Variants in MARCHF7 observed in about 807,000 individuals in gnomAD.
MARCHF7 encodes E3 ubiquitin-protein ligase MARCHF7.
A neutral mutation model predicts 76.5 loss-of-function variants in MARCHF7; 20 were observed. The ratio of observed to expected loss-of-function variants is 0.26; its 90% CI spans 0.18 to 0.38. The LOEUF (loss-of-function observed/expected upper bound fraction) is 0.38. Ranked by LOEUF, MARCHF7 falls within the 10% of genes least tolerant of loss-of-function variation. The probability of loss-of-function intolerance (pLI) is 1.00; values close to 1 mark genes in which losing one functional copy is unlikely to be tolerated. For synonymous variants in MARCHF7, 295 were observed against 293.0 expected (o/e 1.01, Z -0.07); for missense variants, 797 against 812.9 (o/e 0.98, Z 0.24).
intron 11 of MARCHF7, among the ~76,000 whole-genome samples, chr2:159,765,276 C>G (rs1391303352): frequency 6.6e-6 from 1 of 151,740 alleles, no homozygotes; most frequent in Admixed American, 6.6e-5. Context: ...CAGCTCAAAT[C>G]TCTTAAGATC....
chr2:159,751,734 A>G (rs950130738), intron 7 of MARCHF7, among the ~76,000 whole-genome samples: 4 of 152,206 alleles, frequency 2.6e-5, no homozygotes, highest in Non-Finnish European at 4.4e-5. Flanking sequence ...ATTACTCTGC[A>G]TTTATATATT....
rs927389822 is a variant in MARCHF7, at chr2:159,769,201, A to T, written c.*1859A>T. 9 of 152,226 alleles carry T rather than the reference A, an allele frequency of 5.9e-5. No homozygotes were observed. In the East Asian group the frequency reaches 1.7e-3, roughly 29 times the overall value. The allele number at this position is 152,226 out of a possible 1,614,324, so 9.4% of individuals were successfully genotyped here. A position where few individuals can be genotyped will look rare whatever the true frequency, so the allele number is the denominator to read the frequency against. On this transcript the variant is annotated 3_prime_UTR_variant, in exon 12 of 12. Transcript: ENST00000409175. ...TGTTATTCTGAATATCTGCCAAAGA[A>T]TTATATTGTTATTACTAGCTAGAAC... is the stretch of plus-strand genomic sequence containing the variant.
chr2:159,750,379 G>C (rs908871931), intron 7 of MARCHF7, among the ~76,000 whole-genome samples: 1 of 152,178 alleles, frequency 6.6e-6, no homozygotes, highest in Admixed American at 6.5e-5. Context: ...ACAAAATTTA[G>C]CTGGGTGTGG....
intron 3 of MARCHF7, among the ~76,000 whole-genome samples, chr2:159,721,154 C>T (rs1412632780): frequency 6.6e-6 from 1 of 152,082 alleles, no homozygotes; most frequent in Non-Finnish European, 1.5e-5. Flanking sequence ...CATGAGCCAC[C>T]ACACTGGGCC....
Position 159,726,218 on chromosome 2 carries a change from G to GGTTTGGTTTT in MARCHF7, c.-14-2787_-14-2786insGGTTTTGTTT, listed in dbSNP as rs374897190. On this transcript the variant is annotated intron_variant, in intron 3 of 11. Coordinates refer to ENST00000409175, the MANE Select transcript of MARCHF7 (RefSeq NM_001282805.2). ...AAGCTCTACTACTGCTCCAGATACA[G>GGTTTGGTTTT]GTTTTGTTTTGTTTTGTTTTGTTTT... Among the ~76,000 whole-genome samples the GGTTTGGTTTT allele has an allele frequency of 6.3e-5, 8 of 127,946 alleles. No individual in the cohort carries two copies. In the East Asian group the frequency reaches 7.2e-4, roughly 11 times the overall value. The allele number at this position is 127,946 out of a possible 152,430, so 83.9% of individuals were successfully genotyped here.
Position 159,716,241 on chromosome 2 carries a change from A to G in MARCHF7, c.-15+475A>G, listed in dbSNP as rs1701020889. Among the ~76,000 whole-genome samples the G allele has an allele frequency of 2.7e-5, 4 of 147,946 alleles. No individual in the cohort carries two copies. In the Admixed American group the frequency reaches 2.8e-4, roughly 10 times the overall value. On this transcript the variant is annotated intron_variant, in intron 3 of 11. Transcript: ENST00000409175. ...TGTTTACTATGATTTCCCACTAAGG[A>G]AAAAAAAAATTTCCCCAGAAGCAGA...
At chr2:159,716,042 C>T (rs1700997531) in intron 3 of MARCHF7, among the ~76,000 whole-genome samples, 1 of 152,104 alleles carries the variant, frequency 6.6e-6, no homozygotes, top group South Asian at 2.1e-4. Flanking sequence ...CATATTTTCT[C>T]ATGGGATGTT....
chr2:159,738,382 G>A (rs1251490618), intron 4 of MARCHF7, among the ~76,000 whole-genome samples: 1 of 152,162 alleles, frequency 6.6e-6, no homozygotes, highest in Non-Finnish European at 1.5e-5. Context: ...AGGAAGGGAT[G>A]TTTCAGCACT....
rs909652253 is a variant in MARCHF7, at chr2:159,748,087, C to G, written c.797C>G (p.Pro266Arg). ...GAAAGGGTTGTTTCATCTCAAAGAC[C>G]ATTTCAAGAATCTTCTGACAATGAA... ...NSERVVSSQR[P>R]FQESSDNEGR... is the part of the protein sequence containing the mutation. Residue 266 changes from proline (P) to arginine (R), a missense_variant, in exon 7 of 12, where the codon CCA becomes CGA. Physicochemically the swap from Pro to Arg is moderately radical, Grantham distance 103. Around this residue, in one of 3 missense-constraint regions of MARCHF7, gnomAD observed 643 missense variants for 631.5 expected, o/e 1.02. Coordinates refer to ENST00000409175, the MANE Select transcript of MARCHF7 (RefSeq NM_001282805.2). 48 of 1,614,042 alleles carry G rather than the reference C, an allele frequency of 3.0e-5. No homozygotes were observed. Among genetic ancestry groups the G allele is most frequent in the Non-Finnish European group, 3.9e-5 (46 of 1,180,028 alleles).
At chr2:159,717,384 G>A (rs2125276358) in intron 3 of MARCHF7, among the ~76,000 whole-genome samples, 1 of 152,262 alleles carries the variant, frequency 6.6e-6, no homozygotes, top group East Asian at 1.9e-4. Flanking sequence ...GCTTGGGATT[G>A]CTTTAAAATA....
In MARCHF7 at chr2:159,743,147, G is replaced by A. The variant is rs757960850; in HGVS notation, c.240G>A (p.Ser80=). ...SEITQGARSR[S]QNQQRDHDSK... ...TAACTCAGGGAGCACGCTCAAGATC[G>A]CAGAACCAGCAACGGGATCATGATT... The change falls in exon 5 of 12, where the codon TCG becomes TCA. Residue 80 remains serine, a synonymous_variant. Coordinates refer to ENST00000409175, the MANE Select transcript of MARCHF7 (RefSeq NM_001282805.2). 7 of 1,614,144 alleles carry A rather than the reference G, an allele frequency of 4.3e-6. No homozygotes were observed. The highest frequency in any genetic ancestry group is 1.3e-5 in the African/African-American group (1 of 75,044).
intron 3 of MARCHF7, among the ~76,000 whole-genome samples, chr2:159,726,851 T>C (rs1051580876): frequency 6.6e-6 from 1 of 152,222 alleles, no homozygotes; most frequent in Non-Finnish European, 1.5e-5. Flanking sequence ...ACTATAATTA[T>C]TTTTAATGTA....
intron 4 of MARCHF7, among the ~76,000 whole-genome samples, chr2:159,730,967 A>G (rs1443304249): frequency 6.6e-6 from 1 of 152,074 alleles, no homozygotes. Flanking sequence ...ACGGCTCACT[A>G]CAGCCTAGAC....
chr2:159,753,759 A>G (rs374893377), intron 8 of MARCHF7, among the ~76,000 whole-genome samples: 13 of 152,320 alleles, frequency 8.5e-5, no homozygotes, highest in African/African-American at 2.9e-4. Flanking sequence ...GTCTATTATC[A>G]GAGCACTTGC....
chr2:159,766,408 G>C (rs1468324537), intron 11 of MARCHF7, among the ~76,000 whole-genome samples: 1 of 152,044 alleles, frequency 6.6e-6, no homozygotes, highest in African/African-American at 2.4e-5. Flanking sequence ...TCCATTTGTT[G>C]GATGCTCTTA....
At chr2:159,750,438 T>C (rs934262457) in intron 7 of MARCHF7, among the ~76,000 whole-genome samples, 1 of 152,072 alleles carries the variant, frequency 6.6e-6, no homozygotes, top group Non-Finnish European at 1.5e-5. Flanking sequence ...GGCAGGAGAA[T>C]TGCTTGAACC....
intron 3 of MARCHF7, among the ~76,000 whole-genome samples, chr2:159,726,505 G>T (rs550008765): frequency 3.3e-4 from 49 of 150,608 alleles, no homozygotes; most frequent in Middle Eastern, 3.4e-3. Context: ...CTTGTGATCC[G>T]CCTGCCTCAG....
chr2:159,727,838 T>G (rs1237363828), intron 3 of MARCHF7, among the ~76,000 whole-genome samples: 3 of 152,220 alleles, frequency 2.0e-5, no homozygotes, highest in Non-Finnish European at 2.9e-5. Flanking sequence ...ATGATTCCGT[T>G]TATACGTATT....
chr2:159,719,161 A>G (rs1422115513), intron 3 of MARCHF7, among the ~76,000 whole-genome samples: 1 of 152,066 alleles, frequency 6.6e-6, no homozygotes, highest in Non-Finnish European at 1.5e-5. Context: ...TTGTATTTTT[A>G]GTAAAGACGA....
Sources: allele counts gnomAD v4.1 joint callset (sites outside exome capture counted in the v4.1 genomes callset), GRCh38; gene constraint gnomAD v4.1.1; regional missense constraint gnomAD v4.1.1; transcripts MANE v1.5; gene names NCBI Gene and HGNC (gene_info 2026-07-23, HGNC 2026-07-21).